The following LRP1B variants were observed in gnomAD, a reference collection of about 807,000 sequenced individuals.
The protein encoded by LRP1B is LDL receptor related protein 1B, also known as low-density lipoprotein receptor-related protein 1B.
A neutral mutation model predicts 556.6 loss-of-function variants in LRP1B; 217 were observed. The observed-to-expected ratio is 0.39, with a 90% CI of 0.35 to 0.44. The LOEUF (loss-of-function observed/expected upper bound fraction) is 0.44. Ranked by LOEUF, LRP1B falls within the 20% of genes least tolerant of loss-of-function variation. The pLI is 1.00. For missense variants in LRP1B, 5,053 were observed against 5,620.8 expected (o/e 0.90, Z 3.23); for synonymous variants, 2,047 against 1,865.8 (o/e 1.10, Z -2.50).
At chr2:141,284,794 G>C (rs1313954381) in intron 3 of LRP1B, among the ~76,000 whole-genome samples, 5 of 152,128 alleles carry the variant, frequency 3.3e-5, no homozygotes, top group Non-Finnish European at 5.9e-5. Flanking sequence ...TTTATTTCTA[G>C]TCTTGCTGTT....
intron 66 of LRP1B, among the ~76,000 whole-genome samples, chr2:140,418,050 T>C (rs1435634203): frequency 6.6e-6 from 1 of 152,158 alleles, no homozygotes; most frequent in Non-Finnish European, 1.5e-5. Flanking sequence ...CGACACAGAA[T>C]GGGATGCAAA....
intron 65 of LRP1B, among the ~76,000 whole-genome samples, chr2:140,443,245 G>C (rs909026969): frequency 2.0e-5 from 3 of 152,072 alleles, no homozygotes; most frequent in African/African-American, 4.8e-5. Flanking sequence ...ATTTTTATTA[G>C]AGATAGGGTT....
intron 18 of LRP1B, among the ~76,000 whole-genome samples, chr2:140,957,012 A>G (rs1573920539): frequency 6.6e-6 from 1 of 151,764 alleles, no homozygotes; most frequent in African/African-American, 2.4e-5. Flanking sequence ...GCTAGGCACT[A>G]GGAATACAAT....
chr2:141,870,333 T>C (rs1558930497), intron 1 of LRP1B, among the ~76,000 whole-genome samples: 1 of 151,874 alleles, frequency 6.6e-6, no homozygotes. Flanking sequence ...CAGCCTCAAT[T>C]CTAGAGCTGC....
intron 11 of LRP1B, among the ~76,000 whole-genome samples, chr2:141,043,809 A>G (rs1167720051): frequency 6.6e-6 from 1 of 152,028 alleles, no homozygotes; most frequent in Non-Finnish European, 1.5e-5. Context: ...ACAATGAAAA[A>G]TAAATCTTGG....
At chr2:140,893,591 C>T (rs1693862614) in intron 23 of LRP1B, among the ~76,000 whole-genome samples, 1 of 152,112 alleles carries the variant, frequency 6.6e-6, no homozygotes, top group Non-Finnish European at 1.5e-5. Context: ...AGTTTTAAGA[C>T]TATTTATCTG....
intron 9 of LRP1B, among the ~76,000 whole-genome samples, chr2:141,056,914 C>T (rs1201148258): frequency 6.6e-6 from 1 of 151,920 alleles, no homozygotes; most frequent in African/African-American, 2.4e-5. Flanking sequence ...CCTAAACTCA[C>T]TCCATGCTTA....
chr2:140,986,460 C>T lies in LRP1B; in HGVS notation c.2770+3072G>A, dbSNP rs536864079. Among the ~76,000 whole-genome samples the T allele has an allele frequency of 1.3e-4, 20 of 152,260 alleles. No individual in the cohort carries two copies. The South Asian group carries it at 3.9e-3, about 30-fold the overall frequency. On this transcript the variant is annotated intron_variant, in intron 17 of 90. Coordinates refer to ENST00000389484, the MANE Select transcript of LRP1B (RefSeq NM_018557.3). ...CCAAGATAGAAAATCAATTCACATA[C>T]CCAGCAAGAGTGTATGACAATTCCT... is the stretch of plus-strand genomic sequence containing the variant.
intron 7 of LRP1B, among the ~76,000 whole-genome samples, chr2:141,123,774 G>A (rs1396753121): frequency 1.3e-5 from 2 of 151,834 alleles, no homozygotes; most frequent in African/African-American, 2.4e-5. Context: ...CTTTACTCAC[G>A]ATTTCCTAGT....
chr2:140,809,255 A>T (rs1173026815), intron 32 of LRP1B, among the ~76,000 whole-genome samples: 16 of 152,184 alleles, frequency 1.1e-4, no homozygotes, highest in African/African-American at 2.4e-4. Flanking sequence ...TTAAAAAAAA[A>T]TTTTAAAAAA....
At chr2:141,822,610 TCTC>T (rs1398580263) in intron 1 of LRP1B, among the ~76,000 whole-genome samples, 1 of 152,118 alleles carries the variant, frequency 6.6e-6, no homozygotes, top group East Asian at 1.9e-4. Flanking sequence ...TGATGTGAAA[TCTC>T]CTATCTATTA....
chr2:140,721,385 A>C lies in LRP1B; in HGVS notation c.5759-4569T>G, dbSNP rs367891872. On this transcript the variant is annotated intron_variant, in intron 35 of 90. Transcript: ENST00000389484. ...TTATCCTATTAAATGTCAGCTTGTT[A>C]AATGGGATCATGGATCCTGCCTGTT... Among the ~76,000 whole-genome samples, 27 of 152,198 alleles carry C rather than the reference A, an allele frequency of 1.8e-4. No homozygotes were observed. In the East Asian group the frequency reaches 2.1e-3, roughly 12 times the overall value.
rs1243707877 is a variant in LRP1B, at chr2:140,996,559, C to G, written c.2504-2424G>C. ...ATTTCACATACAGAAAGGAACAATA[C>G]CTAGAACAGAATAGGGTGTAGAGTT... On this transcript the variant is annotated intron_variant, in intron 15 of 90. Coordinates refer to ENST00000389484, the MANE Select transcript of LRP1B (RefSeq NM_018557.3). Among the ~76,000 whole-genome samples, 5 of 151,924 alleles carry G rather than the reference C, an allele frequency of 3.3e-5. No homozygotes were observed. In the East Asian group the frequency reaches 9.7e-4, roughly 29 times the overall value.
intron 11 of LRP1B, among the ~76,000 whole-genome samples, chr2:141,037,296 T>A (rs1698561584): frequency 6.6e-6 from 1 of 151,998 alleles, no homozygotes; most frequent in African/African-American, 2.4e-5. Context: ...ATTGGCCAAA[T>A]CCTTCACACT....
At chr2:140,318,428 G>A (rs1165128615) in intron 82 of LRP1B, among the ~76,000 whole-genome samples, 6 of 152,038 alleles carry the variant, frequency 3.9e-5, no homozygotes, top group East Asian at 1.9e-4. Flanking sequence ...GTTTTAGATC[G>A]TGGATAAGTG....
intron 15 of LRP1B, among the ~76,000 whole-genome samples, chr2:140,997,210 T>C (rs1014194052): frequency 4.6e-5 from 7 of 151,954 alleles, no homozygotes; most frequent in Admixed American, 3.3e-4. Flanking sequence ...TTACACATAC[T>C]GTGGTACCTG....
At chr2:141,918,640 G>A (rs143072982) in intron 1 of LRP1B, among the ~76,000 whole-genome samples, 6 of 152,066 alleles carry the variant, frequency 3.9e-5, no homozygotes, top group African/African-American at 1.2e-4. Context: ...CTATTATATC[G>A]GTGAATTAGT....
chr2:140,660,651 T>C (rs1356865267), intron 41 of LRP1B, among the ~76,000 whole-genome samples: 1 of 152,156 alleles, frequency 6.6e-6, no homozygotes, highest in Non-Finnish European at 1.5e-5. Context: ...GTGCGTTATA[T>C]GAGAGTCTCT....
chr2:141,642,514 A>G (rs1337847565), intron 2 of LRP1B, among the ~76,000 whole-genome samples: 1 of 152,174 alleles, frequency 6.6e-6, no homozygotes, highest in Admixed American at 6.6e-5. Flanking sequence ...TAAAAAAATT[A>G]CTGCAATTCT....
Sources: gnomAD v4.1 joint callset for allele counts (sites outside exome capture counted in the v4.1 genomes callset) on GRCh38, gnomAD v4.1.1 for gene constraint, MANE v1.5 for transcripts, NCBI Gene and HGNC (gene_info 2026-07-23, HGNC 2026-07-21) for gene names.